The following IL17RD variants were observed in gnomAD, a reference collection of about 807,000 sequenced individuals.
IL17RD encodes the protein interleukin 17 receptor D.
Under a neutral mutation model 80.5 loss-of-function variants are expected in IL17RD, and 52 were observed. That is an observed-to-expected ratio of 0.65 (90% CI 0.52 to 0.81). IL17RD has a LOEUF of 0.81. Ranked by LOEUF, IL17RD falls within the 40% of genes least tolerant of loss-of-function variation. IL17RD has a pLI of 0.00. For missense variants in IL17RD, 1,024 were observed against 955.1 expected, an observed-to-expected ratio of 1.07 and a Z score of -0.95; for synonymous variants, 416 against 391.8, an observed-to-expected ratio of 1.06 and a Z score of -0.73.
intron 1 of IL17RD, among the ~76,000 whole-genome samples, chr3:57,135,162 G>A (rs1373055711): frequency 6.6e-6 from 1 of 152,082 alleles, no homozygotes; most frequent in Non-Finnish European, 1.5e-5. Flanking sequence ...AACAAAGAAT[G>A]GGGAGCTGGG....
intron 12 of IL17RD, 100 bp downstream of exon 12, chr3:57,097,496 C>T: frequency 2.3e-6 from 2 of 879,334 alleles, no homozygotes; most frequent in Non-Finnish European, 1.8e-6. Context: ...GTTTCATTGC[C>T]CAATAAGTTG....
At chr3:57,138,189 G>A (rs902617381) in intron 1 of IL17RD, among the ~76,000 whole-genome samples, 9 of 152,132 alleles carry the variant, frequency 5.9e-5, no homozygotes, top group Admixed American at 2.6e-4. Flanking sequence ...GGTGATGGTT[G>A]CAAAACATTG....
chr3:57,147,690 TTAC>T (rs1431284733), intron 1 of IL17RD, among the ~76,000 whole-genome samples: 2 of 152,154 alleles, frequency 1.3e-5, no homozygotes, highest in African/African-American at 4.8e-5. Context: ...GGAGGGGAGC[TTAC>T]TACATGAACA....
At chr3:57,146,319 T>C (rs1032203217) in intron 1 of IL17RD, among the ~76,000 whole-genome samples, 13 of 152,214 alleles carry the variant, frequency 8.5e-5, no homozygotes, top group Non-Finnish European at 1.9e-4. Context: ...CGCCCACACC[T>C]AGCTTTAATA....
chr3:57,096,526 A>G (rs777309338), intron 12 of IL17RD, 21 bp from the exon 13 acceptor site: 6 of 1,485,558 alleles, frequency 4.0e-6, no homozygotes. Flanking sequence ...AAGAGAGTAC[A>G]GAGTCACACT....
intron 1 of IL17RD, among the ~76,000 whole-genome samples, chr3:57,144,865 T>C (rs1467226240): frequency 6.6e-6 from 1 of 152,216 alleles, no homozygotes; most frequent in Non-Finnish European, 1.5e-5. Context: ...ATCTGCTTCA[T>C]GTTGGGGTTC....
intron 1 of IL17RD, among the ~76,000 whole-genome samples, chr3:57,130,223 C>T (rs912381723): frequency 3.3e-5 from 5 of 152,150 alleles, no homozygotes; most frequent in African/African-American, 1.2e-4. Context: ...TGAAGGCCAC[C>T]CAAGGGCCTC....
chr3:57,121,070 C>CA (rs1707328025), intron 1 of IL17RD, among the ~76,000 whole-genome samples: 1 of 152,138 alleles, frequency 6.6e-6, no homozygotes, highest in Admixed American at 6.5e-5. Context: ...GAAAGAGCAG[C>CA]TACAGATCTA....
rs138869985 is a variant in IL17RD, at chr3:57,128,128, T to C, written c.127-7815A>G. 6.4e-3 allele frequency among the ~76,000 whole-genome samples: 975 copies of C among 152,238 alleles called. 5 individuals carry two copies. The highest frequency in any genetic ancestry group is 0.011 in the Non-Finnish European group (734 of 68,012). ...ATTGAGATGCAACCAACTTCAGAAATGAAGGATGCCAGCAGTCTGATTTGG... is the reference window on the plus strand; with the variant it reads ...ATTGAGATGCAACCAACTTCAGAAACGAAGGATGCCAGCAGTCTGATTTGG... On this transcript the variant is annotated intron_variant, in intron 1 of 12. Transcript: ENST00000296318.
chr3:57,125,424 GTGTT>G (rs1707438894), intron 1 of IL17RD, among the ~76,000 whole-genome samples: 3 of 151,864 alleles, frequency 2.0e-5, no homozygotes, highest in Non-Finnish European at 4.4e-5. Context: ...AAAAAAAAAA[GTGTT>G]TGAATAAAAC....
chr3:57,104,615 C>G (rs901634103), intron 7 of IL17RD, among the ~76,000 whole-genome samples: 1 of 152,198 alleles, frequency 6.6e-6, no homozygotes, highest in African/African-American at 2.4e-5. Context: ...GCCCAGGACC[C>G]TTGCCATAGT....
At chr3:57,128,706 C>T (rs56043932) in intron 1 of IL17RD, among the ~76,000 whole-genome samples, 1 of 152,058 alleles carries the variant, frequency 6.6e-6, no homozygotes, top group African/African-American at 2.4e-5. Flanking sequence ...ATGTTCTTCC[C>T]CACGCCTGAC....
At chr3:57,136,641 C>CCCA (rs1707735224) in intron 1 of IL17RD, among the ~76,000 whole-genome samples, 6 of 48,116 alleles carry the variant, frequency 1.2e-4, no homozygotes, top group Admixed American at 3.2e-4. Context: ...AACCCCCACT[C>CCCA]AAAAAAAAAA....
rs1284163150 is a variant in IL17RD at position 57,105,949 on chromosome 3, C to G, written c.655G>C (p.Asp219His). The G allele has an allele frequency of 1.2e-6, 2 of 1,613,836 alleles. No homozygotes were observed. The highest frequency in any genetic ancestry group is 1.7e-6 in the Non-Finnish European group (2 of 1,179,838). ...QHGSDMQVSFDHAPHNFGFRF... is the reference protein window; with the variant it reads ...QHGSDMQVSFHHAPHNFGFRF... Reference sequence around the variant, plus strand: ...AAGCCGAAGTTGTGCGGTGCATGGTCGAAGGACACCTGCATGTCCGAGCCA... The same window carrying G: ...AAGCCGAAGTTGTGCGGTGCATGGTGGAAGGACACCTGCATGTCCGAGCCA... The change falls in exon 7 of 13, where the codon GAC becomes CAC. Residue 219 changes from aspartate (D) to histidine (H), a missense_variant. Coordinates refer to ENST00000296318, the MANE Select transcript of IL17RD (RefSeq NM_017563.5).
chr3:57,132,356 A>C (rs1047550644), intron 1 of IL17RD, among the ~76,000 whole-genome samples: 2 of 152,050 alleles, frequency 1.3e-5, no homozygotes, highest in Non-Finnish European at 2.9e-5. Context: ...GCTACTCGGG[A>C]GGCTGAGGCA....
chr3:57,099,951 C>T (rs1317029067), intron 11 of IL17RD, among the ~76,000 whole-genome samples: 2 of 152,164 alleles, frequency 1.3e-5, no homozygotes, highest in African/African-American at 4.8e-5. Flanking sequence ...TGTGAGTTCA[C>T]CTATATGGAA....
intron 1 of IL17RD, among the ~76,000 whole-genome samples, chr3:57,145,738 G>C (rs935377169): frequency 9.9e-5 from 15 of 152,104 alleles, no homozygotes; most frequent in African/African-American, 3.6e-4. Flanking sequence ...AAAAATAATA[G>C]TTAAAATCTT....
In IL17RD at chr3:57,124,265, T is replaced by C. The variant is rs1373969817; in HGVS notation, c.127-3952A>G. 2.6e-5 allele frequency among the ~76,000 whole-genome samples: 4 copies of C among 152,290 alleles called. No individual in the cohort carries two copies. In the East Asian group the frequency reaches 7.7e-4, roughly 29 times the overall value. On this transcript the variant is annotated intron_variant, in intron 1 of 12. Coordinates refer to ENST00000296318, the MANE Select transcript of IL17RD (RefSeq NM_017563.5). The stretch of plus-strand genomic sequence containing the variant: ...TTACACCTCAGGATAGGTAGAATGA[T>C]AGCCCCTTAAACGTGTCCACATTCT...
chr3:57,137,620 A>G (rs1415603470), intron 1 of IL17RD, among the ~76,000 whole-genome samples: 1 of 152,220 alleles, frequency 6.6e-6, no homozygotes, highest in Non-Finnish European at 1.5e-5. Context: ...ACACATATCC[A>G]TTTCAAGATG....
Sources: allele counts gnomAD v4.1 joint callset (sites outside exome capture counted in the v4.1 genomes callset), GRCh38; gene constraint gnomAD v4.1.1; transcripts MANE v1.5; gene names NCBI Gene and HGNC (gene_info 2026-07-23, HGNC 2026-07-21).